ABL2: variants seen among roughly 807,000 people sequenced by gnomAD.
ABL2 encodes tyrosine-protein kinase ABL2.
In ABL2, 49 loss-of-function variants were observed where a neutral mutation model predicts 107.7. The ratio of observed to expected loss-of-function variants is 0.45; its 90% CI spans 0.36 to 0.58. The LOEUF (loss-of-function observed/expected upper bound fraction) is 0.58. Ranked by LOEUF, ABL2 falls within the 20% of genes least tolerant of loss-of-function variation. The probability of loss-of-function intolerance (pLI) is 0.00; values close to 1 mark genes in which losing one functional copy is unlikely to be tolerated. For synonymous variants in ABL2, 549 were observed against 548.6 expected (o/e 1.00, Z -0.01); for missense variants, 1,245 against 1,457.0 (o/e 0.85, Z 2.37).
At chr1:179,184,317 G>A in intron 1 of ABL2, 1 of 546,010 alleles carries the variant, frequency 1.8e-6, no homozygotes. Context: ...GAATGAGAGT[G>A]GTATTCCATC....
intron 1 of ABL2, among the ~76,000 whole-genome samples, chr1:179,133,972 A>G (rs1179299981): frequency 6.6e-6 from 1 of 152,174 alleles, no homozygotes; most frequent in African/African-American, 2.4e-5. Context: ...AAAACTGGAT[A>G]ATGGGGGCTA....
chr1:179,200,600 T>A (rs535569902), intron 1 of ABL2, among the ~76,000 whole-genome samples: 18 of 152,298 alleles, frequency 1.2e-4, no homozygotes, highest in Admixed American at 3.3e-4. Context: ...CAAAAAATGC[T>A]ACCTACCCAT....
intron 1 of ABL2, among the ~76,000 whole-genome samples, chr1:179,210,803 G>A (rs1010975999): frequency 2.0e-5 from 3 of 151,770 alleles, no homozygotes; most frequent in Non-Finnish European, 2.9e-5. Context: ...GCAGTAAGCC[G>A]AGATTGCACC....
chr1:179,221,654 C>A, intron 1 of ABL2: 1 of 201,734 alleles, frequency 5.0e-6, no homozygotes, highest in South Asian at 1.1e-4. Flanking sequence ...GCCCCATTGC[C>A]AACTACATCA....
rs1655051729 is a variant in ABL2, at chr1:179,120,170, G to A, written c.1045+20C>T. ...CAAGCATTTTTGGAGGAAATCTATG[G>A]TTCAGGCAAGGTTCCTCACCTAAAA... On this transcript the variant is annotated intron_variant, in intron 6 of 11. Transcript: ENST00000502732. The A allele has an allele frequency of 1.3e-6, 2 of 1,537,374 alleles. No individual in the cohort carries two copies. Among genetic ancestry groups the A allele is most frequent in the African/African-American group, 1.4e-5 (1 of 72,282 alleles).
At chr1:179,152,541 T>G (rs1325732110) in intron 1 of ABL2, among the ~76,000 whole-genome samples, 2 of 152,162 alleles carry the variant, frequency 1.3e-5, no homozygotes, top group African/African-American at 4.8e-5. Flanking sequence ...GAGATGACTG[T>G]GTGTGTGCAT....
chr1:179,224,134 C>CAAAAAAAAAA (rs1181284107), intron 1 of ABL2, among the ~76,000 whole-genome samples: 9 of 34,502 alleles, frequency 2.6e-4, no homozygotes, highest in South Asian at 1.8e-3. Flanking sequence ...CTACTCACTA[C>CAAAAAAAAAA]AAAAAAAAAA....
chr1:179,189,201 T>C (rs921933080), intron 1 of ABL2, among the ~76,000 whole-genome samples: 3 of 152,206 alleles, frequency 2.0e-5, no homozygotes, highest in African/African-American at 7.2e-5. Flanking sequence ...AATGGTGCGA[T>C]CTAGGCTCAC....
intron 2 of ABL2, 142 bp from the exon 3 acceptor site, chr1:179,131,623 G>A (rs901307688): frequency 7.0e-6 from 5 of 718,140 alleles, no homozygotes; most frequent in South Asian, 2.5e-5. Flanking sequence ...TGAAGAATTA[G>A]CAAATAGGCA....
intron 1 of ABL2, among the ~76,000 whole-genome samples, chr1:179,205,695 T>A (rs1661933773): frequency 6.6e-6 from 1 of 152,326 alleles, no homozygotes; most frequent in South Asian, 2.1e-4. Context: ...TTGGATGTGT[T>A]AATCCACTGA....
intron 1 of ABL2, among the ~76,000 whole-genome samples, chr1:179,201,278 T>C (rs1166103326): frequency 6.6e-6 from 1 of 152,210 alleles, no homozygotes; most frequent in Non-Finnish European, 1.5e-5. Flanking sequence ...GTTTTTCTAT[T>C]CAAAATGCAC....
In ABL2 at chr1:179,108,236, C is replaced by A. The variant is rs1653646741; in HGVS notation, c.3031G>T (p.Ala1011Ser). The A allele has an allele frequency of 6.2e-7, 1 of 1,613,786 alleles. No homozygotes were observed. The highest frequency in any genetic ancestry group is 8.5e-7 in the Non-Finnish European group (1 of 1,180,014). ...TGTGTTTCTGATGTGGACTGTCCTGCAGTTAGGGCAGTTGGCTCTTCTGTA... is the reference window on the plus strand; with the variant it reads ...TGTGTTTCTGATGTGGACTGTCCTGAAGTTAGGGCAGTTGGCTCTTCTGTA... ...DPTEEPTALT[A>S]GQSTSETQEG... is the part of the protein sequence containing the mutation. Residue 1011 changes from alanine to serine, a missense_variant, in exon 12 of 12, where the codon GCA (alanine) becomes TCA (serine). Transcript: ENST00000502732.
intron 1 of ABL2, chr1:179,201,626 G>T: frequency 2.3e-6 from 1 of 444,020 alleles, no homozygotes. Context: ...CTGCCTACAT[G>T]GATACCCAAG....
At chr1:179,130,627 T>C (rs1488703321) in intron 3 of ABL2, among the ~76,000 whole-genome samples, 5 of 152,164 alleles carry the variant, frequency 3.3e-5, no homozygotes. Flanking sequence ...ATTTCCATTA[T>C]AGTAATATTC....
intron 1 of ABL2, among the ~76,000 whole-genome samples, chr1:179,198,777 A>T (rs1661486456): frequency 6.6e-6 from 1 of 151,728 alleles, no homozygotes; most frequent in Non-Finnish European, 1.5e-5. Context: ...ATCTTTTCAA[A>T]CATGAAAACA....
Position 179,109,121 on chromosome 1 carries a change from T to C in ABL2, c.2146A>G (p.Lys716Glu). 2 of 1,564,174 alleles carry C rather than the reference T, an allele frequency of 1.3e-6. No homozygotes were observed. The highest frequency in any genetic ancestry group is 1.1e-5 in the South Asian group (1 of 90,076). Residue 716 changes from lysine (K) to glutamate (E), a missense_variant, in exon 12 of 12, where the codon AAG becomes GAG. This residue lies in a region of ABL2 where 761 missense variants were observed against 766.4 expected (regional missense o/e 0.99). Transcript: ENST00000502732. ...AQQEANLVPP[K>E]CYGGSFAQRN... ...TGTGCAAAGCTCCCCCCATAGCACT[T>C]GGGTGGCACCAGATTCGCCTCTTGC...
chr1:179,105,549 T>C lies in ABL2; in HGVS notation c.*2169A>G, dbSNP rs1653411823. 2 of 229,258 alleles carry C rather than the reference T, an allele frequency of 8.7e-6. No individual in the cohort carries two copies. The highest frequency in any genetic ancestry group is 1.2e-4 in the East Asian group (2 of 16,124). 14.2% of individuals were successfully genotyped at this position (229,258 alleles called of 1,614,324 possible). ...AGGACCGCTGGTTTTTACATCTGAG[T>C]TCTCTTCCAACCACTAGGAGGAGAT... is the stretch of plus-strand genomic sequence containing the variant. On this transcript the variant is annotated 3_prime_UTR_variant, in exon 12 of 12. Transcript: ENST00000502732.
At chr1:179,117,126 C>T (rs2102610353) in intron 8 of ABL2, 1 of 595,522 alleles carries the variant, frequency 1.7e-6, no homozygotes, top group Non-Finnish European at 2.9e-6. Context: ...TGAGCCACCA[C>T]ACCAGGCCTA....
intron 1 of ABL2, among the ~76,000 whole-genome samples, chr1:179,189,479 A>C (rs2793813): frequency 0.51 from 77,794 of 151,948 alleles, 20,126 homozygotes; most frequent in African/African-American, 0.56. Context: ...TTTCTCAGAG[A>C]ACAAGTTAAA....
Sources: gnomAD v4.1 joint callset for allele counts (sites outside exome capture counted in the v4.1 genomes callset) on GRCh38, gnomAD v4.1.1 for gene constraint, gnomAD v4.1.1 regional missense constraint, MANE v1.5 for transcripts, NCBI Gene and HGNC (gene_info 2026-07-23, HGNC 2026-07-21) for gene names.